Variants in SOX6 observed in about 807,000 individuals in gnomAD.
The protein encoded by SOX6 is transcription factor SOX-6.
Under a neutral mutation model 97.8 loss-of-function variants are expected in SOX6, and 11 were observed. The observed-to-expected ratio is 0.11, with a 90% CI of 0.07 to 0.19. The LOEUF is 0.19. Among genes scored for constraint, SOX6 ranks in the 10% least tolerant of loss-of-function variants. The pLI, the probability that SOX6 is intolerant of heterozygous loss-of-function variation, is 1.00. For missense variants in SOX6, 810 were observed against 1,039.5 expected, an observed-to-expected ratio of 0.78 and a Z score of 3.04; for synonymous variants, 360 against 371.4, an observed-to-expected ratio of 0.97 and a Z score of 0.35.
At chr11:16,492,652 C>T (rs1052579845) in intron 4 of SOX6, among the ~76,000 whole-genome samples, 2 of 152,114 alleles carry the variant, frequency 1.3e-5, no homozygotes, top group Non-Finnish European at 2.9e-5. Context: ...CTTCTACTTC[C>T]TCAGATTATC....
intron 3 of SOX6, among the ~76,000 whole-genome samples, chr11:16,680,576 T>G (rs1198498448): frequency 6.6e-6 from 1 of 152,142 alleles, no homozygotes; most frequent in South Asian, 2.1e-4. Context: ...CCAGCTAACA[T>G]CATAATGACA....
chr11:16,008,171 C>T (rs539116434), intron 13 of SOX6, among the ~76,000 whole-genome samples: 85 of 152,068 alleles, frequency 5.6e-4, no homozygotes, highest in Non-Finnish European at 1.1e-3. Context: ...TGTTACATTG[C>T]ATTGTTTAGG....
At chr11:16,672,588 T>C (rs1287325691) in intron 3 of SOX6, among the ~76,000 whole-genome samples, 1 of 152,176 alleles carries the variant, frequency 6.6e-6, no homozygotes, top group African/African-American at 2.4e-5. Flanking sequence ...AAAACTGTCA[T>C]ATCTCATGAG....
intron 9 of SOX6, among the ~76,000 whole-genome samples, chr11:16,077,075 C>T (rs998177992): frequency 6.6e-6 from 1 of 152,190 alleles, no homozygotes; most frequent in East Asian, 1.9e-4. Flanking sequence ...TTTTAAACAA[C>T]CAGATCTCAT....
intron 9 of SOX6, among the ~76,000 whole-genome samples, chr11:16,088,064 T>C (rs1005284400): frequency 1.3e-5 from 2 of 152,138 alleles, no homozygotes; most frequent in Non-Finnish European, 2.9e-5. Context: ...TAATACGTGC[T>C]AAAAAATTTT....
intron 4 of SOX6, among the ~76,000 whole-genome samples, chr11:16,514,057 T>A (rs1860922894): frequency 6.6e-6 from 1 of 151,572 alleles, no homozygotes; most frequent in Non-Finnish European, 1.5e-5. Flanking sequence ...TACAAAAAAA[T>A]TATTTTAAAT....
At chr11:16,174,317 T>C (rs1316233720) in intron 6 of SOX6, among the ~76,000 whole-genome samples, 1 of 151,944 alleles carries the variant, frequency 6.6e-6, no homozygotes, top group African/African-American at 2.4e-5. Context: ...CCCTTAATTC[T>C]GACTATGAAT....
chr11:16,230,141 T>C (rs1338855056), intron 4 of SOX6, among the ~76,000 whole-genome samples: 1 of 151,726 alleles, frequency 6.6e-6, no homozygotes, highest in Non-Finnish European at 1.5e-5. Context: ...TAGACCAAAC[T>C]CCTAGTAGAC....
intron 9 of SOX6, among the ~76,000 whole-genome samples, chr11:16,067,080 C>T (rs147439567): frequency 1.9e-3 from 291 of 152,250 alleles, no homozygotes; most frequent in African/African-American, 6.8e-3. Flanking sequence ...AACTAACTTG[C>T]TTCTGATTTT....
chr11:16,091,218 C>G (rs1264668929), intron 9 of SOX6, among the ~76,000 whole-genome samples: 2 of 152,044 alleles, frequency 1.3e-5, no homozygotes, highest in Non-Finnish European at 2.9e-5. Flanking sequence ...AAGAGAAAAG[C>G]ATGCATTCTC....
intron 2 of SOX6, among the ~76,000 whole-genome samples, chr11:16,332,533 C>T (rs567239300): frequency 1.6e-4 from 24 of 152,102 alleles, no homozygotes; most frequent in African/African-American, 5.8e-4. Context: ...AAAAGTTTAC[C>T]AAATAATTTC....
chr11:16,148,478 G>A (rs911081515), intron 6 of SOX6, among the ~76,000 whole-genome samples: 25 of 152,198 alleles, frequency 1.6e-4, no homozygotes, highest in African/African-American at 5.8e-4. Context: ...ACCCAATGAC[G>A]GGCAAGAATA....
intron 11 of SOX6, 27 bp downstream of exon 11, chr11:16,049,728 C>A: frequency 6.2e-7 from 1 of 1,612,566 alleles, no homozygotes; most frequent in Non-Finnish European, 8.5e-7. Context: ...TCGTAAGTCT[C>A]TTCCTGGTGT....
chr11:16,463,331 T>C (rs1451357649), intron 1 of SOX6, among the ~76,000 whole-genome samples: 1 of 152,210 alleles, frequency 6.6e-6, no homozygotes, highest in Non-Finnish European at 1.5e-5. Flanking sequence ...AAACTCCATA[T>C]ACAAGTTTGA....
intron 4 of SOX6, among the ~76,000 whole-genome samples, chr11:16,558,661 C>T (rs1847775689): frequency 6.6e-6 from 1 of 151,886 alleles, no homozygotes; most frequent in African/African-American, 2.4e-5. Flanking sequence ...AAGGTTAAGG[C>T]CCTCATTTTT....
intron 3 of SOX6, among the ~76,000 whole-genome samples, chr11:16,302,566 C>CATTT (rs1855291570): frequency 1.1e-5 from 1 of 87,000 alleles, no homozygotes; most frequent in Admixed American, 1.5e-4. Context: ...TTCTTTTTTT[C>CATTT]TTTTTTTTTT....
chr11:16,579,111 A>G (rs543318803), intron 4 of SOX6, among the ~76,000 whole-genome samples: 1 of 152,208 alleles, frequency 6.6e-6, no homozygotes, highest in South Asian at 2.1e-4. Context: ...CCACATTTAC[A>G]TATGCTTTTT....
rs372778271 is a variant in SOX6, at chr11:16,426,770, C to T, written c.-5+49545G>A. On this transcript the variant is annotated intron_variant, in intron 1 of 15. Coordinates refer to the SOX6 transcript ENST00000396356. ...TCTACTAAAAATACAAAAAATTAGCCGGGCGTAGTGGCGGGCGCCTGTAGT... is the reference window on the plus strand; with the variant it reads ...TCTACTAAAAATACAAAAAATTAGCTGGGCGTAGTGGCGGGCGCCTGTAGT... Among the ~76,000 whole-genome samples, 38 of 151,348 alleles carry T rather than the reference C, an allele frequency of 2.5e-4. No homozygotes were observed. In the East Asian group the frequency reaches 5.3e-3, roughly 21 times the overall value.
At chr11:16,525,830 A>G (rs941293770) in intron 4 of SOX6, among the ~76,000 whole-genome samples, 8 of 152,352 alleles carry the variant, frequency 5.3e-5, no homozygotes, top group African/African-American at 1.9e-4. Context: ...AAGGATATAA[A>G]CAGACACTTC....
Sources: allele counts gnomAD v4.1 joint callset (sites outside exome capture counted in the v4.1 genomes callset), GRCh38; gene constraint gnomAD v4.1.1; transcripts MANE v1.5; gene names NCBI Gene and HGNC (gene_info 2026-07-23, HGNC 2026-07-21).